CACNA1I: variants seen among roughly 807,000 people sequenced by gnomAD.
The protein encoded by CACNA1I is calcium voltage-gated channel subunit alpha1 I.
In CACNA1I, 74 loss-of-function variants were observed where a neutral mutation model predicts 201.6. The observed-to-expected ratio is 0.37, with a 90% CI of 0.30 to 0.45. CACNA1I has a LOEUF of 0.45. Among genes scored for constraint, CACNA1I ranks in the 20% least tolerant of loss-of-function variants. CACNA1I has a pLI of 1.00. For synonymous variants in CACNA1I, 1,431 were observed against 1,345.2 expected (o/e 1.06, Z -1.40); for missense variants, 2,346 against 3,138.1 (o/e 0.75, Z 6.03).
chr22:39,642,847 T>C lies in CACNA1I; in HGVS notation c.1107T>C (p.Ala369=). 1 of 1,611,550 alleles carries C rather than the reference T, an allele frequency of 6.2e-7. No individual in the cohort carries two copies. Among genetic ancestry groups the C allele is most frequent in the Non-Finnish European group, 8.5e-7 (1 of 1,178,676 alleles). Residue 369 remains alanine (A), a synonymous_variant, in exon 7 of 37, where the codon GCT becomes GCC. Transcript: ENST00000402142. ...WVEIMYYVMD[A]HSFYNFIYFI... ...AGATCATGTACTACGTGATGGATGC[T>C]CACTCCTTCTACAACTTCATCTACT...
chr22:39,670,351 A>G (rs1935333899), intron 25 of CACNA1I, 121 bp downstream of exon 25: 9 of 1,011,388 alleles, frequency 8.9e-6, no homozygotes, highest in Non-Finnish European at 1.3e-5. Flanking sequence ...CCCTGTGCCC[A>G]GGGCTCAGCC....
At chr22:39,611,375 C>T (rs1243251204) in intron 3 of CACNA1I, among the ~76,000 whole-genome samples, 6 of 152,112 alleles carry the variant, frequency 3.9e-5, no homozygotes, top group East Asian at 1.9e-4. Flanking sequence ...CCCCAGGGCT[C>T]GTGCTCACCC....
At position 39,674,878 on chromosome 22, in the gene CACNA1I, C is replaced by T. The variant is rs186514677; in HGVS notation, c.4854+845C>T. On this transcript the variant is annotated intron_variant, in intron 29 of 36. Coordinates refer to ENST00000402142, the MANE Select transcript of CACNA1I (RefSeq NM_021096.4). ...AAGGTGGAAGCAGAGCTAATTCTTT[C>T]GGGGACCGGGGCTAAGGACATGGGT... Among the ~76,000 whole-genome samples the T allele has an allele frequency of 2.2e-3, 336 of 152,298 alleles. 1 individual carries two copies. Among genetic ancestry groups the T allele is most frequent in the African/African-American group, 7.3e-3 (302 of 41,564 alleles).
intron 10 of CACNA1I, among the ~76,000 whole-genome samples, chr22:39,652,083 G>C (rs1934668931): frequency 6.6e-6 from 1 of 150,444 alleles, no homozygotes; most frequent in Admixed American, 6.6e-5. Context: ...GTCCAGGCTG[G>C]AGTGCATTGG....
chr22:39,672,971 A>G lies in CACNA1I; in HGVS notation c.4672A>G (p.Ile1558Val), dbSNP rs1364364954. 2 of 1,613,548 alleles carry G rather than the reference A, an allele frequency of 1.2e-6. No homozygotes were observed. Among genetic ancestry groups the G allele is most frequent in the Non-Finnish European group, 1.7e-6 (2 of 1,179,744 alleles). ...CAGATGGAACCAGCTGGACCTGGCC[A>G]TTGTGCTACTGTCAGTCATGGGCAT... ...KDRWNQLDLA[I>V]VLLSVMGITL... is the part of the protein sequence containing the mutation. The change falls in exon 28 of 37, where the codon ATT becomes GTT. Residue 1558 changes from isoleucine to valine, a missense_variant. Transcript: ENST00000402142.
In CACNA1I at chr22:39,659,658, A is replaced by C; in HGVS notation, c.2449-39A>C. 6.2e-7 allele frequency: 1 copy of C among 1,610,024 alleles called. No homozygotes were observed. The highest frequency in any genetic ancestry group is 8.5e-7 in the Non-Finnish European group (1 of 1,176,630). The stretch of plus-strand genomic sequence containing the variant: ...GCCTCCTTGTAGAGCCTAGCCCTGG[A>C]CTAGGGGTACCCCAGGGCTAACTGT... On this transcript the variant is annotated intron_variant, in intron 13 of 36. Transcript: ENST00000402142. The surrounding 1 kb of genome is among the most constrained non-coding windows in gnomAD (Gnocchi z 4.3).
chr22:39,664,762 C>CGA lies in CACNA1I; in HGVS notation c.3691_3692insAG (p.Gly1231GlufsTer63). On this transcript the variant is annotated frameshift_variant, in exon 21 of 37. Transcript: ENST00000402142. LOFTEE classifies it high-confidence loss of function. ...AGGTAGTCTCGCTGGGCCTGTACTT[C>CGA]GGCGAGCAGGCGTACCTACGCAGCA... 1 of 1,431,072 alleles carries CGA rather than the reference C, an allele frequency of 7.0e-7. No homozygotes were observed. The highest frequency in any genetic ancestry group is 9.4e-7 in the Non-Finnish European group (1 of 1,064,538). The allele number at this position is 1,431,072 out of a possible 1,614,324, so 88.6% of individuals were successfully genotyped here.
At chr22:39,571,509 G>C (rs1932183128) in intron 1 of CACNA1I, among the ~76,000 whole-genome samples, 1 of 152,168 alleles carries the variant, frequency 6.6e-6, no homozygotes, top group Admixed American at 6.5e-5. Flanking sequence ...GCTTAAGACT[G>C]TCATGATTTG....
intron 2 of CACNA1I, among the ~76,000 whole-genome samples, chr22:39,600,135 G>A (rs1167845391): frequency 1.3e-5 from 2 of 152,278 alleles, no homozygotes; most frequent in African/African-American, 2.4e-5. Context: ...ACTACCCATG[G>A]GGTCCTTGGG....
Position 39,684,645 on chromosome 22 carries a change from G to C in CACNA1I, c.6027+147G>C, listed in dbSNP as rs894539653. The C allele has an allele frequency of 2.4e-6, 2 of 832,998 alleles. No individual in the cohort carries two copies. Among genetic ancestry groups the C allele is most frequent in the African/African-American group, 3.4e-5 (2 of 59,238 alleles). The allele number at this position is 832,998 out of a possible 1,614,324, so 51.6% of individuals were successfully genotyped here. On this transcript the variant is annotated intron_variant, in intron 36 of 36. Coordinates refer to ENST00000402142, the MANE Select transcript of CACNA1I (RefSeq NM_021096.4). The surrounding 1 kb of genome is among the most constrained non-coding windows in gnomAD (Gnocchi z 4.6). Reference sequence around the variant, plus strand: ...GTGCAAGGGGGTTTGGGAACGCTGGGGTGACGCTGAGACTGGAGGGGGAGG... The same window carrying C: ...GTGCAAGGGGGTTTGGGAACGCTGGCGTGACGCTGAGACTGGAGGGGGAGG...
intron 1 of CACNA1I, 180 bp downstream of exon 1, chr22:39,571,168 T>C: frequency 1.6e-6 from 1 of 619,416 alleles, no homozygotes; most frequent in Non-Finnish European, 2.9e-6. Flanking sequence ...CTCAAATGGA[T>C]GAGGACCTGG....
At chr22:39,572,519 C>A (rs1233258732) in intron 1 of CACNA1I, among the ~76,000 whole-genome samples, 2 of 152,022 alleles carry the variant, frequency 1.3e-5, no homozygotes, top group African/African-American at 2.4e-5. Flanking sequence ...TGGAAACCAG[C>A]GGGTCTCTGC....
At position 39,686,359 on chromosome 22, in the gene CACNA1I, C is replaced by G; in HGVS notation, c.6626C>G (p.Pro2209Arg). The G allele has an allele frequency of 2.3e-6, 3 of 1,314,184 alleles. No homozygotes were observed. The highest frequency in any genetic ancestry group is 2.9e-6 in the Non-Finnish European group (3 of 1,029,490). The allele number at this position is 1,314,184 out of a possible 1,614,324, so 81.4% of individuals were successfully genotyped here. ...TTGGCGCCCCCGCCGCAACCGCTCC[C>G]CGGAGAGCTGGAGCCGGGAGACGCC... ...GPLAPPPQPL[P>R]GELEPGDAAS... The change falls in exon 37 of 37, where the codon CCC (proline) becomes CGC (arginine). Residue 2209 changes from proline to arginine, a missense_variant. By Grantham distance (103) the Pro-to-Arg change is moderately radical. Transcript: ENST00000402142.
rs746999877 is a variant in CACNA1I at position 39,677,394 on chromosome 22, C to T, written c.4908C>T (p.Leu1636=). 2.3e-5 allele frequency: 36 copies of T among 1,592,436 alleles called. No homozygotes were observed. The highest frequency in any genetic ancestry group is 6.8e-5 in the East Asian group (3 of 44,322). Residue 1636 remains leucine (L), a synonymous_variant, in exon 30 of 37, where the codon CTC becomes CTT. Coordinates refer to ENST00000402142, the MANE Select transcript of CACNA1I (RefSeq NM_021096.4). This position sits in a 1 kb window ranked among gnomAD's most constrained non-coding sequence, Gnocchi z 4.8. ...TGCTCTTCTTCATCTATGCTGCTCTCGGGGTGGAGCTCTTTGGGAAGCTGG... is the reference window on the plus strand; with the variant it reads ...TGCTCTTCTTCATCTATGCTGCTCTTGGGGTGGAGCTCTTTGGGAAGCTGG... ...FMLLFFIYAA[L]GVELFGKLVC...
At chr22:39,626,483 A>AG (rs1232273799) in intron 4 of CACNA1I, among the ~76,000 whole-genome samples, 1 of 152,006 alleles carries the variant, frequency 6.6e-6, no homozygotes, top group East Asian at 1.9e-4. Flanking sequence ...GCAAAGGTGG[A>AG]GTGGAGGTGT....
chr22:39,588,537 C>A (rs1032647360), intron 1 of CACNA1I, among the ~76,000 whole-genome samples: 4 of 151,958 alleles, frequency 2.6e-5, no homozygotes, highest in African/African-American at 9.7e-5. Context: ...AGGCGCCCAC[C>A]ACCACGCCCG....
intron 10 of CACNA1I, chr22:39,656,690 T>C (rs762526223): frequency 5.8e-6 from 3 of 518,680 alleles, no homozygotes; most frequent in Admixed American, 3.9e-5. Flanking sequence ...GCAGTCCCCA[T>C]GTGGTGTAAC....
At position 39,684,430 on chromosome 22, in the gene CACNA1I, A is replaced by C. The variant is rs766857127; in HGVS notation, c.5959A>C (p.Lys1987Gln). The C allele has an allele frequency of 6.2e-7, 1 of 1,613,510 alleles. No individual in the cohort carries two copies. The highest frequency in any genetic ancestry group is 8.5e-7 in the Non-Finnish European group (1 of 1,179,852). ...EKGTGTGTLP[K>Q]IALQGSWASL... ...GGGCACTGGCACTGGAACCCTCCCC[A>C]AGATTGCGCTGCAGGGCTCCTGGGC... The change falls in exon 36 of 37, where the codon AAG (lysine) becomes CAG (glutamine). Residue 1987 changes from lysine to glutamine, a missense_variant. By Grantham distance (53) the Lys-to-Gln change is moderately conservative. This residue lies in a region of CACNA1I where 441 missense variants were observed against 555.6 expected (regional missense o/e 0.79). Coordinates refer to ENST00000402142, the MANE Select transcript of CACNA1I (RefSeq NM_021096.4). This position sits in a 1 kb window ranked among gnomAD's most constrained non-coding sequence, Gnocchi z 4.6.
intron 3 of CACNA1I, among the ~76,000 whole-genome samples, chr22:39,617,709 C>A (rs1436875421): frequency 2.0e-5 from 3 of 152,090 alleles, no homozygotes; most frequent in African/African-American, 7.2e-5. Flanking sequence ...CGCTCCCTCG[C>A]TGCCCCTTCC....
Sources: gnomAD v4.1 joint callset for allele counts (sites outside exome capture counted in the v4.1 genomes callset) on GRCh38, gnomAD v4.1.1 for gene constraint, gnomAD v4.1.1 regional missense constraint, Gnocchi (gnomAD v3.1) non-coding constraint, MANE v1.5 for transcripts, NCBI Gene and HGNC (gene_info 2026-07-23, HGNC 2026-07-21) for gene names.